The following TET2 variants were observed in gnomAD, a reference collection of about 807,000 sequenced individuals.
TET2 encodes the protein methylcytosine dioxygenase TET2.
In TET2, 299 loss-of-function variants were observed where a neutral mutation model predicts 142.9. The ratio of observed to expected loss-of-function variants is 2.09; its 90% CI spans 1.90 to 2.30. The LOEUF is 2.30. Among genes scored for constraint, TET2 ranks in the 30% most tolerant of loss-of-function variants. TET2 has a pLI of 0.00. For synonymous variants in TET2, 819 were observed against 849.0 expected, an observed-to-expected ratio of 0.96 and a Z score of 0.61; for missense variants, 2,418 against 2,378.0, an observed-to-expected ratio of 1.02 and a Z score of -0.35.
chr4:105,236,889 G>T lies in TET2; in HGVS notation c.2947G>T (p.Val983Leu). 6.2e-7 allele frequency: 1 copy of T among 1,614,046 alleles called. No homozygotes were observed. The highest frequency in any genetic ancestry group is 8.5e-7 in the Non-Finnish European group (1 of 1,180,004). Residue 983 changes from valine to leucine, a missense_variant, in exon 3 of 11, where the codon GTG (valine) becomes TTG (leucine). Transcript: ENST00000380013. ...CHSQMHRPIK[V>L]EPGCKPHACM... ...TAGTCAGATGCACAGGCCAATTAAGGTGGAACCTGGATGCAAGCCACATGC... is the reference window on the plus strand; with the variant it reads ...TAGTCAGATGCACAGGCCAATTAAGTTGGAACCTGGATGCAAGCCACATGC...
rs1423044322 is a variant in TET2 at position 105,277,401 on chromosome 4, T to C, written c.*882T>C. 4.4e-6 allele frequency: 1 copy of C among 224,874 alleles called. No individual in the cohort carries two copies. Among genetic ancestry groups the C allele is most frequent in the East Asian group, 6.5e-5 (1 of 15,368 alleles). The allele number at this position is 224,874 out of a possible 1,614,324, so 13.9% of individuals were successfully genotyped here. A position where few individuals can be genotyped will look rare whatever the true frequency, so the allele number is the denominator to read the frequency against. ...CACACATGTATATGTATAAATATTT[T>C]AAATGGTGTTTTAGAAGCACTTTGT... On this transcript the variant is annotated 3_prime_UTR_variant, in exon 11 of 11. Transcript: ENST00000380013.
At position 105,236,803 on chromosome 4, in the gene TET2, G is replaced by A. The variant is rs1039019352; in HGVS notation, c.2861G>A (p.Trp954Ter). The A allele has an allele frequency of 1.2e-6, 2 of 1,614,054 alleles. No individual in the cohort carries two copies. The highest frequency in any genetic ancestry group is 1.7e-6 in the Non-Finnish European group (2 of 1,179,988). The change falls in exon 3 of 11, where the codon TGG becomes TAG. Residue 954 changes from tryptophan to a stop codon, truncating the protein, a stop_gained. Coordinates refer to ENST00000380013, the MANE Select transcript of TET2 (RefSeq NM_001127208.3). LOFTEE classifies it high-confidence loss of function. ...KDTQKHAALRWHLLQKQEQQQ... is the reference protein window; with the variant it reads ...KDTQKHAALR The stretch of plus-strand genomic sequence containing the variant: ...ACTCAAAAGCATGCTGCTCTAAGGT[G>A]GCATCTCTTACAGAAGCAAGAACAG...
intron 1 of TET2, among the ~76,000 whole-genome samples, chr4:105,161,359 C>T (rs750268541): frequency 1.6e-4 from 25 of 152,278 alleles, no homozygotes; most frequent in East Asian, 9.6e-4. Context: ...AATTAAGATG[C>T]GATGAGAGTA....
At position 105,275,495 on chromosome 4, in the gene TET2, C is replaced by CA. The variant is rs1239287042; in HGVS notation, c.4987dup (p.Ser1663LysfsTer7). ...CAGCCGATGGATCTGTATAGGTATC[C>CA]AAGCCAAGACCCTCTGTCTAAGCTC... On this transcript the variant is annotated frameshift_variant, in exon 11 of 11. Transcript: ENST00000380013. LOFTEE classifies it low-confidence loss of function (END_TRUNC). The CA allele has an allele frequency of 6.4e-7, 1 of 1,551,658 alleles. No homozygotes were observed. The highest frequency in any genetic ancestry group is 2.0e-5 in the Admixed American group (1 of 51,008).
chr4:105,197,091 A>G (rs1292234725), intron 2 of TET2, among the ~76,000 whole-genome samples: 1 of 152,210 alleles, frequency 6.6e-6, no homozygotes, highest in Non-Finnish European at 1.5e-5. Flanking sequence ...ATACTTAATT[A>G]TAAGCAACAC....
At chr4:105,224,910 T>C (rs1193504127) in intron 2 of TET2, among the ~76,000 whole-genome samples, 3 of 152,124 alleles carry the variant, frequency 2.0e-5, no homozygotes, top group Non-Finnish European at 4.4e-5. Flanking sequence ...TGGAAGCCCA[T>C]GCATTACAAA....
intron 4 of TET2, chr4:105,242,620 A>G: frequency 7.8e-7 from 1 of 1,289,446 alleles, no homozygotes; most frequent in Non-Finnish European, 9.8e-7. Context: ...ATAGTTCATT[A>G]CAATTATCTG....
rs559857347 is a variant in TET2 at position 105,262,480 on chromosome 4, A to G, written c.4044+632A>G. On this transcript the variant is annotated intron_variant, in intron 8 of 10. Coordinates refer to ENST00000380013, the MANE Select transcript of TET2 (RefSeq NM_001127208.3). ...AAAAAACTAAAATCTTCACTGTTTC[A>G]GTAACATCAACAACAAAAGCATTAA... Among the ~76,000 whole-genome samples the G allele has an allele frequency of 1.9e-4, 29 of 152,306 alleles. 1 individual carries two copies. The highest frequency in any genetic ancestry group is 3.2e-4 in the Non-Finnish European group (22 of 68,022).
chr4:105,193,648 TA>T (rs1381237548), intron 2 of TET2, among the ~76,000 whole-genome samples: 1 of 152,146 alleles, frequency 6.6e-6, no homozygotes, highest in African/African-American at 2.4e-5. Flanking sequence ...TGACTGCACG[TA>T]AGAGATAAAA....
rs1046588866 is a variant in TET2 at position 105,190,342 on chromosome 4, A to C, written c.-192-18A>C. 1.6e-6 allele frequency: 1 copy of C among 636,674 alleles called. No individual in the cohort carries two copies. 39.4% of individuals were successfully genotyped at this position (636,674 alleles called of 1,614,324 possible). A position where few individuals can be genotyped will look rare whatever the true frequency, so the allele number is the denominator to read the frequency against. ...CCTTTTTGCTAACTTAAAAATGTTCAAACTCTGTCTTCTCTAGGCTGGCAA... is the reference window on the plus strand; with the variant it reads ...CCTTTTTGCTAACTTAAAAATGTTCCAACTCTGTCTTCTCTAGGCTGGCAA... On this transcript the variant is annotated intron_variant, in intron 1 of 10. Coordinates refer to ENST00000380013, the MANE Select transcript of TET2 (RefSeq NM_001127208.3).
At chr4:105,200,167 A>G (rs557823709) in intron 2 of TET2, among the ~76,000 whole-genome samples, 1 of 152,284 alleles carries the variant, frequency 6.6e-6, no homozygotes, top group East Asian at 1.9e-4. Context: ...CCAATAGCAT[A>G]TAAGTGTTCC....
rs1729440220 is a variant in TET2, at chr4:105,243,771, A to C, written c.3796A>C (p.Asn1266His). Residue 1266 changes from asparagine (N) to histidine (H), a missense_variant, in exon 6 of 11, where the codon AAT (asparagine) becomes CAT (histidine). Transcript: ENST00000380013. ...GTLTNRRCAL[N>H]EERTCACQGL... ...GCTCACCAATCGCCGGTGTGCCTTG[A>C]ATGAAGAGTAAGTGAAGCCCAGGGC... The C allele has an allele frequency of 6.4e-7, 1 of 1,551,376 alleles. No individual in the cohort carries two copies. The highest frequency in any genetic ancestry group is 8.7e-7 in the Non-Finnish European group (1 of 1,146,788).
chr4:105,267,564 C>CT (rs1206667663), intron 8 of TET2, among the ~76,000 whole-genome samples: 2 of 144,206 alleles, frequency 1.4e-5, no homozygotes, highest in Non-Finnish European at 3.0e-5. Flanking sequence ...AAGTATATAG[C>CT]TAATCAGCCA....
Position 105,235,038 on chromosome 4 carries a change from A to C in TET2, c.1096A>C (p.Ser366Arg), listed in dbSNP as rs1172417123. 1 of 1,614,166 alleles carries C rather than the reference A, an allele frequency of 6.2e-7. No individual in the cohort carries two copies. The highest frequency in any genetic ancestry group is 8.5e-7 in the Non-Finnish European group (1 of 1,180,016). ...CAGCAATTTGCAAGCTCCTGGTGGC[A>C]GCTCTGAACGGTATTTAAAACAAAA... ...SSSNLQAPGG[S>R]SERYLKQNEM... is the part of the protein sequence containing the mutation. The change falls in exon 3 of 11, where the codon AGC becomes CGC. Residue 366 changes from serine to arginine, a missense_variant. Physicochemically the swap from Ser to Arg is moderately radical, Grantham distance 110. Transcript: ENST00000380013.
Position 105,235,662 on chromosome 4 carries a change from C to T in TET2, c.1720C>T (p.Gln574Ter), listed in dbSNP as rs1560543993. 2 of 1,614,128 alleles carry T rather than the reference C, an allele frequency of 1.2e-6. No homozygotes were observed. The highest frequency in any genetic ancestry group is 1.7e-6 in the Non-Finnish European group (2 of 1,180,004). The change falls in exon 3 of 11, where the codon CAA (glutamine) becomes TAA (stop). Residue 574 changes from glutamine to a stop codon, truncating the protein, a stop_gained. Transcript: ENST00000380013. LOFTEE classifies it high-confidence loss of function. Reference sequence around the variant, plus strand: ...TGAATTGAAGGCCCCTCGTTTTCACCAAGCGGAATCCCATCTAAAACGTAA... The same window carrying T: ...TGAATTGAAGGCCCCTCGTTTTCACTAAGCGGAATCCCATCTAAAACGTAA... ...WIELKAPRFHQAESHLKRNEA... is the reference protein window; with the variant it reads ...WIELKAPRFH
intron 2 of TET2, among the ~76,000 whole-genome samples, chr4:105,212,179 T>A (rs1002870581): frequency 6.6e-6 from 1 of 152,228 alleles, no homozygotes; most frequent in Non-Finnish European, 1.5e-5. Flanking sequence ...GTTCAAGCCA[T>A]GCAGTTTTTA....
chr4:105,265,434 T>C (rs1361064490), intron 8 of TET2, among the ~76,000 whole-genome samples: 2 of 152,250 alleles, frequency 1.3e-5, no homozygotes, highest in African/African-American at 4.8e-5. Flanking sequence ...AAATCCTGCA[T>C]GGTATTTTTT....
At position 105,236,616 on chromosome 4, in the gene TET2, C is replaced by T; in HGVS notation, c.2674C>T (p.Gln892Ter). The T allele has an allele frequency of 6.2e-7, 1 of 1,614,084 alleles. No homozygotes were observed. Among genetic ancestry groups the T allele is most frequent in the Non-Finnish European group, 8.5e-7 (1 of 1,180,004 alleles). The change falls in exon 3 of 11, where the codon CAA becomes TAA. Residue 892 changes from glutamine (Q) to a stop codon, truncating the protein, a stop_gained. Transcript: ENST00000380013. LOFTEE classifies it high-confidence loss of function. Reference sequence around the variant, plus strand: ...TCAAGAACAGGAGCAGAAGTCACAACAAGCTTCAGTTCTACAGGGATATAA... The same window carrying T: ...TCAAGAACAGGAGCAGAAGTCACAATAAGCTTCAGTTCTACAGGGATATAA... ...CFQEQEQKSQ[Q>*]ASVLQGYKNR...
Position 105,234,204 on chromosome 4 carries a change from T to C in TET2, c.262T>C (p.Cys88Arg), listed in dbSNP as rs1728687107. ...FTQESRGYSK[C>R]LQNGGIKRTV... is the part of the protein sequence containing the mutation. ...ACAAGAAAGTAGAGGGTATTCCAAG[T>C]GTTTGCAAAATGGAGGAATAAAACG... is the stretch of plus-strand genomic sequence containing the variant. The change falls in exon 3 of 11, where the codon TGT becomes CGT. Residue 88 changes from cysteine to arginine, a missense_variant. Coordinates refer to ENST00000380013, the MANE Select transcript of TET2 (RefSeq NM_001127208.3). The C allele has an allele frequency of 6.2e-7, 1 of 1,614,166 alleles. No individual in the cohort carries two copies. The highest frequency in any genetic ancestry group is 8.5e-7 in the Non-Finnish European group (1 of 1,180,024).
Sources: allele counts gnomAD v4.1 joint callset (sites outside exome capture counted in the v4.1 genomes callset), GRCh38; gene constraint gnomAD v4.1.1; transcripts MANE v1.5; gene names NCBI Gene and HGNC (gene_info 2026-07-23, HGNC 2026-07-21).